STX8: variants seen among roughly 807,000 people sequenced by gnomAD.
STX8 encodes syntaxin-8.
In STX8, 23 loss-of-function variants were observed where a neutral mutation model predicts 37.5. The ratio of observed to expected loss-of-function variants is 0.61; its 90% CI spans 0.44 to 0.87. STX8 has a LOEUF of 0.87. Among genes scored for constraint, STX8 ranks in the 40% least tolerant of loss-of-function variants. The pLI is 0.00. For missense variants in STX8, 313 were observed against 284.7 expected (o/e 1.10, Z -0.71); for synonymous variants, 115 against 99.1 (o/e 1.16, Z -0.95).
At chr17:9,498,102 G>A (rs772769174) in intron 5 of STX8, among the ~76,000 whole-genome samples, 11 of 152,074 alleles carry the variant, frequency 7.2e-5, no homozygotes, top group Non-Finnish European at 1.3e-4. Flanking sequence ...AAGAAAATCA[G>A]GTCACCCAGG....
intron 6 of STX8, among the ~76,000 whole-genome samples, chr17:9,404,010 C>T (rs1248343412): frequency 2.0e-5 from 3 of 148,186 alleles, no homozygotes; most frequent in Admixed American, 6.8e-5. Flanking sequence ...GAAAGCCTTA[C>T]TGATAACATA....
intron 6 of STX8, among the ~76,000 whole-genome samples, chr17:9,475,963 G>A (rs1392685784): frequency 6.6e-6 from 1 of 152,190 alleles, no homozygotes; most frequent in Admixed American, 6.5e-5. Flanking sequence ...GGCGGATCAC[G>A]AGGTCAGGAG....
intron 4 of STX8, among the ~76,000 whole-genome samples, chr17:9,540,256 TC>T (rs1180917862): frequency 2.6e-5 from 4 of 152,220 alleles, no homozygotes; most frequent in Non-Finnish European, 4.4e-5. Flanking sequence ...GGTGCCATCT[TC>T]CCTGACTAGT....
At chr17:9,365,252 A>G (rs1465927478) in intron 7 of STX8, among the ~76,000 whole-genome samples, 1 of 152,242 alleles carries the variant, frequency 6.6e-6, no homozygotes, top group East Asian at 1.9e-4. Flanking sequence ...TTAAACAAAT[A>G]AACAGATGAT....
intron 6 of STX8, among the ~76,000 whole-genome samples, chr17:9,403,633 A>G (rs1912701880): frequency 6.6e-6 from 1 of 151,274 alleles, no homozygotes; most frequent in East Asian, 2.0e-4. Flanking sequence ...AGCAAAGTTG[A>G]ACATCACTTT....
chr17:9,491,971 T>A, intron 5 of STX8, 50 bp from the exon 6 acceptor site: 2 of 1,379,870 alleles, frequency 1.4e-6, no homozygotes, highest in Non-Finnish European at 2.0e-6. Flanking sequence ...GAAAACAACT[T>A]AAAGTCCATA....
intron 7 of STX8, among the ~76,000 whole-genome samples, chr17:9,268,064 G>A (rs565381813): frequency 2.0e-5 from 3 of 151,856 alleles, no homozygotes; most frequent in Non-Finnish European, 2.9e-5. Flanking sequence ...TTGTTCTCAC[G>A]GAAGGGATAT....
intron 4 of STX8, among the ~76,000 whole-genome samples, chr17:9,523,963 T>C (rs990599877): frequency 2.0e-5 from 3 of 152,252 alleles, no homozygotes; most frequent in African/African-American, 7.2e-5. Flanking sequence ...CGTCCATTTT[T>C]CACCTCAGTG....
At chr17:9,533,663 A>G (rs549642451) in intron 4 of STX8, among the ~76,000 whole-genome samples, 40 of 152,304 alleles carry the variant, frequency 2.6e-4, no homozygotes, top group African/African-American at 9.6e-4. Context: ...TGGGATTTCA[A>G]TAAAAGGAGA....
intron 7 of STX8, among the ~76,000 whole-genome samples, chr17:9,309,813 A>C (rs1909129287): frequency 1.3e-5 from 2 of 152,228 alleles, no homozygotes; most frequent in Non-Finnish European, 2.9e-5. Flanking sequence ...ATTAAAATAA[A>C]ACCAATAACA....
intron 6 of STX8, among the ~76,000 whole-genome samples, chr17:9,449,367 T>C (rs1904959060): frequency 6.6e-6 from 1 of 152,182 alleles, no homozygotes; most frequent in South Asian, 2.1e-4. Context: ...GAGACCACCC[T>C]GGCTTACACG....
At chr17:9,322,765 T>G (rs1205333826) in intron 7 of STX8, among the ~76,000 whole-genome samples, 1 of 142,832 alleles carries the variant, frequency 7.0e-6, no homozygotes, top group Non-Finnish European at 1.5e-5. Flanking sequence ...CTGTTAGCCC[T>G]GCAGTCAGTC....
chr17:9,264,282 G>A (rs992583411), intron 7 of STX8, among the ~76,000 whole-genome samples: 1 of 152,186 alleles, frequency 6.6e-6, no homozygotes. Context: ...CAAAACAATT[G>A]TTTTACATTG....
chr17:9,407,336 C>T (rs548471325), intron 6 of STX8, among the ~76,000 whole-genome samples: 1 of 152,028 alleles, frequency 6.6e-6, no homozygotes, highest in East Asian at 1.9e-4. Flanking sequence ...GCCCCAGCAC[C>T]GTATTTTACA....
intron 6 of STX8, among the ~76,000 whole-genome samples, chr17:9,397,449 G>A (rs1208929362): frequency 6.6e-6 from 1 of 152,054 alleles, no homozygotes; most frequent in African/African-American, 2.4e-5. Flanking sequence ...GCAGATAGTG[G>A]GAGCCAAACT....
intron 4 of STX8, among the ~76,000 whole-genome samples, chr17:9,527,404 A>G (rs1905623189): frequency 6.6e-6 from 1 of 151,622 alleles, no homozygotes; most frequent in Non-Finnish European, 1.5e-5. Flanking sequence ...TGATCTCACC[A>G]CTGCACTCCA....
At chr17:9,495,015 C>A (rs1305150817) in intron 5 of STX8, among the ~76,000 whole-genome samples, 1 of 152,050 alleles carries the variant, frequency 6.6e-6, no homozygotes. Flanking sequence ...TCTACAAAAG[C>A]AAAAATCACA....
intron 4 of STX8, among the ~76,000 whole-genome samples, chr17:9,534,537 TC>T (rs1486467012): frequency 1.3e-5 from 2 of 152,194 alleles, no homozygotes; most frequent in African/African-American, 4.8e-5. Flanking sequence ...ACACCTATAA[TC>T]CCAGCACTTT....
At chr17:9,279,214 C>T (rs1328034711) in intron 7 of STX8, among the ~76,000 whole-genome samples, 4 of 152,114 alleles carry the variant, frequency 2.6e-5, no homozygotes, top group East Asian at 1.9e-4. Flanking sequence ...CCCGCCACCA[C>T]GCCTGGCTAA....
Sources: allele counts gnomAD v4.1 joint callset (sites outside exome capture counted in the v4.1 genomes callset), GRCh38; gene constraint gnomAD v4.1.1; transcripts MANE v1.5; gene names NCBI Gene and HGNC (gene_info 2026-07-23, HGNC 2026-07-21).